The following CD28 variants were observed in gnomAD, a reference collection of about 807,000 sequenced individuals.
CD28 encodes the protein CD28 molecule, also known as T-cell-specific surface glycoprotein CD28.
In CD28, 8 loss-of-function variants were observed where a neutral mutation model predicts 21.4. The ratio of observed to expected loss-of-function variants is 0.37; its 90% CI spans 0.22 to 0.68. The LOEUF is 0.68. Ranked by LOEUF, CD28 falls within the 30% of genes least tolerant of loss-of-function variation. CD28 has a pLI of 0.55. For synonymous variants in CD28, 106 were observed against 104.0 expected (o/e 1.02, Z -0.12); for missense variants, 239 against 272.2 (o/e 0.88, Z 0.86).
At position 203,726,716 on chromosome 2, in the gene CD28, C is replaced by T; in HGVS notation, c.136C>T (p.Leu46Phe). The T allele has an allele frequency of 6.2e-7, 1 of 1,614,100 alleles. No homozygotes were observed. Among genetic ancestry groups the T allele is most frequent in the Non-Finnish European group, 8.5e-7 (1 of 1,180,004 alleles). Residue 46 changes from leucine to phenylalanine, a missense_variant, in exon 2 of 4, where the codon CTC becomes TTC. By Grantham distance (22) the Leu-to-Phe change is conservative. Around this residue, in one of 3 missense-constraint regions of CD28, gnomAD observed 104 missense variants for 108.5 expected, o/e 0.96. Coordinates refer to ENST00000324106, the MANE Select transcript of CD28 (RefSeq NM_006139.4). ...CCTTAGCTGCAAGTATTCCTACAAT[C>T]TCTTCTCAAGGGAGTTCCGGGCATC... is the stretch of plus-strand genomic sequence containing the variant. Reference protein sequence around the residue: ...VNLSCKYSYNLFSREFRASLH... With the variant: ...VNLSCKYSYNFFSREFRASLH...
chr2:203,718,357 G>A (rs945424107), intron 1 of CD28, among the ~76,000 whole-genome samples: 10 of 152,180 alleles, frequency 6.6e-5, no homozygotes, highest in African/African-American at 2.2e-4. Context: ...ATACTCAGAG[G>A]AAAGTTACAG....
rs759958633 is a variant in CD28 at position 203,729,725 on chromosome 2, C to CTGGCTTGCTA, written c.489_498dup (p.Ser167GlyfsTer4). 3.7e-6 allele frequency: 6 copies of CTGGCTTGCTA among 1,614,088 alleles called. No individual in the cohort carries two copies. Among genetic ancestry groups the CTGGCTTGCTA allele is most frequent in the Non-Finnish European group, 5.1e-6 (6 of 1,179,970 alleles). ...GGTGCTGGTGGTGGTTGGTGGAGTC[C>CTGGCTTGCTA]TGGCTTGCTATAGCTTGCTAGTAAC... On this transcript the variant is annotated frameshift_variant, in exon 3 of 4. Transcript: ENST00000324106. LOFTEE classifies it high-confidence loss of function.
intron 1 of CD28, among the ~76,000 whole-genome samples, chr2:203,707,667 T>C (rs1359240225): frequency 6.6e-6 from 1 of 152,180 alleles, no homozygotes; most frequent in Non-Finnish European, 1.5e-5. Flanking sequence ...AAGGTAGGTA[T>C]TACAGTTAAC....
chr2:203,732,280 A>G (rs1419116630), intron 3 of CD28, among the ~76,000 whole-genome samples: 1 of 152,088 alleles, frequency 6.6e-6, no homozygotes, highest in Non-Finnish European at 1.5e-5. Context: ...TGCAGATTCT[A>G]TCTCAGTTCT....
At position 203,737,404 on chromosome 2, in the gene CD28, A is replaced by C. The variant is rs111427187; in HGVS notation, c.*2492A>C. 30 of 152,210 alleles carry C rather than the reference A, an allele frequency of 2.0e-4. 2 individuals carry two copies. The East Asian group carries it at 5.6e-3, about 28-fold the overall frequency. The allele number at this position is 152,210 out of a possible 1,614,324, so 9.4% of individuals were successfully genotyped here. A position where few individuals can be genotyped will look rare whatever the true frequency, so the allele number is the denominator to read the frequency against. ...AATGACAGAGCTGGAGAGTTTTTTG[A>C]AATGGCAGTGGCAAATAAATAAATA... On this transcript the variant is annotated 3_prime_UTR_variant, in exon 4 of 4. Transcript: ENST00000324106.
chr2:203,732,073 T>C (rs547999359), intron 3 of CD28, among the ~76,000 whole-genome samples: 1 of 152,344 alleles, frequency 6.6e-6, no homozygotes, highest in East Asian at 1.9e-4. Context: ...CCTTGCTGAG[T>C]TGGGCATCTA....
chr2:203,706,482 A>G, upstream of CD28: 2 of 1,480,828 alleles, frequency 1.4e-6, no homozygotes, highest in East Asian at 2.5e-5. Flanking sequence ...GTCTAAAGTC[A>G]TCAAAACAAC....
intron 1 of CD28, among the ~76,000 whole-genome samples, chr2:203,713,040 C>T (rs1273866952): frequency 6.6e-6 from 1 of 152,084 alleles, no homozygotes; most frequent in Non-Finnish European, 1.5e-5. Flanking sequence ...CTCTGGGGTT[C>T]ATGTTCTTAC....
At chr2:203,733,496 T>C (rs898587752) in intron 3 of CD28, among the ~76,000 whole-genome samples, 1 of 151,900 alleles carries the variant, frequency 6.6e-6, no homozygotes, top group Non-Finnish European at 1.5e-5. Flanking sequence ...GGCTTTGAGG[T>C]TTAGTCCAGA....
intron 3 of CD28, among the ~76,000 whole-genome samples, chr2:203,733,966 G>A (rs2106125610): frequency 6.6e-6 from 1 of 152,304 alleles, no homozygotes; most frequent in East Asian, 1.9e-4. Context: ...TTCATGTACA[G>A]CATTATCTAC....
intron 1 of CD28, among the ~76,000 whole-genome samples, chr2:203,709,478 C>T (rs904019401): frequency 5.3e-5 from 8 of 152,134 alleles, no homozygotes; most frequent in Non-Finnish European, 1.0e-4. Context: ...AACCTGATTC[C>T]TTATGAGTTG....
intron 1 of CD28, among the ~76,000 whole-genome samples, chr2:203,710,080 C>T (rs959092831): frequency 6.6e-6 from 1 of 152,200 alleles, no homozygotes; most frequent in Non-Finnish European, 1.5e-5. Flanking sequence ...ATTTGTTTCT[C>T]ACAGTTAAGT....
At chr2:203,734,104 A>G (rs1374150549) in intron 3 of CD28, among the ~76,000 whole-genome samples, 1 of 152,234 alleles carries the variant, frequency 6.6e-6, no homozygotes, top group Non-Finnish European at 1.5e-5. Context: ...GTAGAATTTT[A>G]CTATCACATT....
chr2:203,713,313 G>A (rs1581500468), intron 1 of CD28, among the ~76,000 whole-genome samples: 1 of 152,186 alleles, frequency 6.6e-6, no homozygotes, highest in Admixed American at 6.5e-5. Context: ...TTATGGGAAT[G>A]GATGGCTAGT....
chr2:203,718,490 GT>G (rs1161184495), intron 1 of CD28, among the ~76,000 whole-genome samples: 2 of 152,164 alleles, frequency 1.3e-5, no homozygotes, highest in Non-Finnish European at 2.9e-5. Context: ...AGCTTTCATT[GT>G]TTTTGGTTCC....
In CD28 at chr2:203,732,958, G is replaced by A. The variant is rs552307909; in HGVS notation, c.535-1826G>A. ...AGAATCAAGACACCTTTATTGCTGT[G>A]GCCTCTCTACCAGCTATGATTTGGT... On this transcript the variant is annotated intron_variant, in intron 3 of 3. Coordinates refer to ENST00000324106, the MANE Select transcript of CD28 (RefSeq NM_006139.4). 3.9e-5 allele frequency among the ~76,000 whole-genome samples: 6 copies of A among 152,318 alleles called. No homozygotes were observed. The South Asian group carries it at 1.2e-3, about 32-fold the overall frequency.
chr2:203,721,106 A>G (rs1036431777), intron 1 of CD28, among the ~76,000 whole-genome samples: 4 of 152,242 alleles, frequency 2.6e-5, no homozygotes, highest in African/African-American at 9.6e-5. Context: ...TGTTAGCTAC[A>G]TGTTAACACA....
chr2:203,719,108 C>T (rs1336039543), intron 1 of CD28, among the ~76,000 whole-genome samples: 2 of 152,108 alleles, frequency 1.3e-5, no homozygotes, highest in African/African-American at 2.4e-5. Context: ...TAAATTCAGT[C>T]TTGCTGAATG....
chr2:203,712,534 AT>A (rs1438453493), intron 1 of CD28, among the ~76,000 whole-genome samples: 1 of 152,186 alleles, frequency 6.6e-6, no homozygotes, highest in Non-Finnish European at 1.5e-5. Context: ...ATTACTGTGT[AT>A]TGACACATTT....
Sources: allele counts gnomAD v4.1 joint callset (sites outside exome capture counted in the v4.1 genomes callset), GRCh38; gene constraint gnomAD v4.1.1; regional missense constraint gnomAD v4.1.1; transcripts MANE v1.5; gene names NCBI Gene and HGNC (gene_info 2026-07-23, HGNC 2026-07-21).